The following ASTN1 variants were observed in gnomAD, a reference collection of about 807,000 sequenced individuals.
ASTN1 encodes astrotactin 1.
Under a neutral mutation model 140.7 loss-of-function variants are expected in ASTN1, and 41 were observed. The ratio of observed to expected loss-of-function variants is 0.29; its 90% confidence interval spans 0.23 to 0.38. The LOEUF (loss-of-function observed/expected upper bound fraction) is 0.38, where lower values mean the gene tolerates loss of function less well. Ranked by LOEUF, ASTN1 falls within the 10% of genes least tolerant of loss-of-function variation. The pLI is 1.00. For synonymous variants in ASTN1, 640 were observed against 652.2 expected (o/e 0.98, Z 0.29); for missense variants, 1,479 against 1,678.8 (o/e 0.88, Z 2.08).
At chr1:176,881,263 A>G (rs1340167479) in intron 20 of ASTN1, among the ~76,000 whole-genome samples, 3 of 152,186 alleles carry the variant, frequency 2.0e-5, no homozygotes, top group East Asian at 3.9e-4. Context: ...TTCGCATTTT[A>G]TAAGATGTAG....
chr1:176,951,310 AGAT>A (rs1672183659), intron 11 of ASTN1, among the ~76,000 whole-genome samples: 1 of 152,250 alleles, frequency 6.6e-6, no homozygotes, highest in Non-Finnish European at 1.5e-5. Context: ...CTGTTAGGCC[AGAT>A]GTGCCACCAG....
chr1:177,029,590 C>G, intron 5 of ASTN1, 44 bp downstream of exon 5: 1 of 1,589,354 alleles, frequency 6.3e-7, no homozygotes, highest in Non-Finnish European at 8.6e-7. Context: ...GCCTCCCTCA[C>G]TCCCAGATCC....
intron 16 of ASTN1, among the ~76,000 whole-genome samples, chr1:176,903,178 T>C (rs1557947577): frequency 1.3e-5 from 2 of 152,176 alleles, no homozygotes; most frequent in African/African-American, 4.8e-5. Context: ...CATGGGATTT[T>C]CCTAAAGCAT....
In ASTN1 at chr1:176,949,233, G is replaced by A. The variant is rs1213909805; in HGVS notation, c.2006C>T (p.Ala669Val). 3.1e-6 allele frequency: 5 copies of A among 1,613,904 alleles called. No homozygotes were observed. Among genetic ancestry groups the A allele is most frequent in the Admixed American group, 1.7e-5 (1 of 60,002 alleles). The stretch of plus-strand genomic sequence containing the variant: ...CAAGGTGGGGTCGTCCGGGAAGGGC[G>A]CCATCTGCTGGAGGCACAGCTGCTC... ...GCEQLCLQQM[A>V]PFPDDPTLYN... Residue 669 changes from alanine to valine, a missense_variant, in exon 12 of 23, where the codon GCG (alanine) becomes GTG (valine). This residue lies in a region of ASTN1 where 746 missense variants were observed against 800.9 expected (regional missense o/e 0.93). Coordinates refer to ENST00000361833, the MANE Select transcript of ASTN1 (RefSeq NM_004319.3).
In ASTN1 at chr1:176,871,865, G is replaced by T. The variant is rs145679661; in HGVS notation, c.3464-2838C>A. On this transcript the variant is annotated intron_variant, in intron 21 of 22. Coordinates refer to ENST00000361833, the MANE Select transcript of ASTN1 (RefSeq NM_004319.3). ...CTTGAGTTATTCAAGACAGATACCT[G>T]TCTTCTCTCTCTTTAACATTCATGA... Among the ~76,000 whole-genome samples the T allele has an allele frequency of 2.4e-4, 36 of 152,326 alleles. No individual in the cohort carries two copies. The East Asian group carries it at 6.9e-3, about 29-fold the overall frequency.
chr1:177,126,012 A>G (rs1010580789), intron 1 of ASTN1, among the ~76,000 whole-genome samples: 1 of 152,294 alleles, frequency 6.6e-6, no homozygotes, highest in Middle Eastern at 3.4e-3. Flanking sequence ...TTTAATTAGG[A>G]CTTCTCTTGG....
At chr1:177,079,796 G>A (rs1679089981) in intron 1 of ASTN1, among the ~76,000 whole-genome samples, 2 of 152,062 alleles carry the variant, frequency 1.3e-5, no homozygotes, top group South Asian at 2.1e-4. Flanking sequence ...AAAGCTCAGA[G>A]AGTTAAGTAT....
intron 1 of ASTN1, among the ~76,000 whole-genome samples, chr1:177,163,813 G>A (rs1036775481): frequency 6.6e-6 from 1 of 152,198 alleles, no homozygotes; most frequent in African/African-American, 2.4e-5. Context: ...AGAATGAACA[G>A]CTGGGGGATA....
intron 16 of ASTN1, among the ~76,000 whole-genome samples, chr1:176,909,623 T>G (rs1398822488): frequency 6.6e-6 from 1 of 152,198 alleles, no homozygotes; most frequent in East Asian, 1.9e-4. Context: ...AATGTAACAC[T>G]AGTTGGATGG....
intron 2 of ASTN1, among the ~76,000 whole-genome samples, chr1:177,055,557 G>A (rs1312252022): frequency 6.6e-6 from 1 of 152,252 alleles, no homozygotes; most frequent in East Asian, 1.9e-4. Context: ...CACAGTGATG[G>A]CCCTGGCATG....
At chr1:176,972,286 T>G (rs1487826774) in intron 8 of ASTN1, among the ~76,000 whole-genome samples, 1 of 152,158 alleles carries the variant, frequency 6.6e-6, no homozygotes, top group African/African-American at 2.4e-5. Context: ...TACATGTTGA[T>G]CAGCCAGCAG....
intron 22 of ASTN1, among the ~76,000 whole-genome samples, chr1:176,867,121 A>T (rs1668155013): frequency 6.6e-6 from 1 of 152,216 alleles, no homozygotes. Context: ...TCCCCTGCTC[A>T]CTTTCTTCAT....
intron 13 of ASTN1, among the ~76,000 whole-genome samples, chr1:176,945,173 T>C (rs1671899492): frequency 6.6e-6 from 1 of 152,134 alleles, no homozygotes; most frequent in Non-Finnish European, 1.5e-5. Flanking sequence ...TCTAAATCAA[T>C]GGTTTGAAAC....
chr1:177,139,914 A>T (rs745639646), intron 1 of ASTN1, among the ~76,000 whole-genome samples: 6 of 152,060 alleles, frequency 3.9e-5, no homozygotes, highest in East Asian at 1.9e-4. Context: ...ACTGTAAGAA[A>T]TTTTTTCTGT....
At chr1:177,021,145 A>G (rs1675801880) in intron 7 of ASTN1, among the ~76,000 whole-genome samples, 1 of 152,240 alleles carries the variant, frequency 6.6e-6, no homozygotes, top group Non-Finnish European at 1.5e-5. Flanking sequence ...TCCAGCATTC[A>G]TGAAAATGAG....
chr1:177,031,446 C>A (rs1002483775), intron 3 of ASTN1, among the ~76,000 whole-genome samples: 2 of 152,088 alleles, frequency 1.3e-5, no homozygotes, highest in Non-Finnish European at 2.9e-5. Flanking sequence ...TGATAATAAC[C>A]CCTGAGTACC....
intron 8 of ASTN1, among the ~76,000 whole-genome samples, chr1:176,990,170 C>T (rs952609641): frequency 8.2e-6 from 1 of 121,542 alleles, no homozygotes; most frequent in Non-Finnish European, 1.6e-5. Flanking sequence ...AACCAAGGAG[C>T]GGCTTTTTAT....
At chr1:176,888,287 C>A (rs1669123297) in intron 17 of ASTN1, 83 bp from the exon 18 acceptor site, 24 of 1,500,714 alleles carry the variant, frequency 1.6e-5, no homozygotes, top group Non-Finnish European at 2.2e-5. Context: ...TGTCAAGGAT[C>A]TGCATGGCCC....
intron 2 of ASTN1, among the ~76,000 whole-genome samples, chr1:177,054,661 G>C (rs1251122220): frequency 6.6e-6 from 1 of 152,212 alleles, no homozygotes; most frequent in African/African-American, 2.4e-5. Flanking sequence ...TAAGGAGTTA[G>C]AATAAGGGAG....
Sources: allele counts gnomAD v4.1 joint callset (sites outside exome capture counted in the v4.1 genomes callset), GRCh38; gene constraint gnomAD v4.1.1; regional missense constraint gnomAD v4.1.1; transcripts MANE v1.5; gene names NCBI Gene and HGNC (gene_info 2026-07-23, HGNC 2026-07-21).